Variants in EPS15 observed in about 807,000 individuals in gnomAD.
EPS15 encodes epidermal growth factor receptor substrate 15.
EPS15 carries 72 observed loss-of-function variants against 113.8 expected under a neutral mutation model. That is an observed-to-expected ratio of 0.63 (90% CI 0.52 to 0.77). The LOEUF is 0.77. EPS15 is among the 30% of genes least tolerant of loss of function. EPS15 has a pLI of 0.00. For synonymous variants in EPS15, 344 were observed against 363.4 expected (o/e 0.95, Z 0.61); for missense variants, 1,048 against 1,045.8 (o/e 1.00, Z -0.03).
At chr1:51,489,901 T>A (rs1644200254) in intron 1 of EPS15, among the ~76,000 whole-genome samples, 1 of 152,222 alleles carries the variant, frequency 6.6e-6, no homozygotes, top group Admixed American at 6.5e-5. Flanking sequence ...TGAGAAAGAA[T>A]CACAGAGCAG....
At chr1:51,362,237 A>T (rs1646403500) in intron 23 of EPS15, among the ~76,000 whole-genome samples, 1 of 152,240 alleles carries the variant, frequency 6.6e-6, no homozygotes, top group Admixed American at 6.5e-5. Flanking sequence ...TAATCCTGTG[A>T]AAGTAGGCAA....
At chr1:51,390,520 G>A (rs1305793698) in intron 21 of EPS15, among the ~76,000 whole-genome samples, 8 of 151,632 alleles carry the variant, frequency 5.3e-5, no homozygotes, top group Non-Finnish European at 1.0e-4. Context: ...CCATCAGAGT[G>A]AACAGGCAAC....
At chr1:51,473,219 G>A (rs1405229304) in intron 2 of EPS15, among the ~76,000 whole-genome samples, 5 of 152,154 alleles carry the variant, frequency 3.3e-5, no homozygotes, top group African/African-American at 7.2e-5. Flanking sequence ...AAGCAAATTC[G>A]TGGGGTTGTA....
intron 21 of EPS15, among the ~76,000 whole-genome samples, chr1:51,388,930 T>C (rs999979699): frequency 5.3e-5 from 8 of 152,164 alleles, no homozygotes; most frequent in Admixed American, 5.2e-4. Flanking sequence ...ACTATTCCAA[T>C]CAACAGAAAA....
intron 1 of EPS15, among the ~76,000 whole-genome samples, chr1:51,482,649 A>G (rs941362371): frequency 6.6e-6 from 1 of 152,088 alleles, no homozygotes; most frequent in Non-Finnish European, 1.5e-5. Flanking sequence ...TATTTTTAGT[A>G]GAGATGGGGT....
intron 21 of EPS15, among the ~76,000 whole-genome samples, chr1:51,384,419 G>A (rs1647015243): frequency 6.7e-6 from 1 of 148,706 alleles, no homozygotes; most frequent in African/African-American, 2.5e-5. Flanking sequence ...TCCCACCTCA[G>A]CTTCCCAAGT....
At chr1:51,359,725 T>C (rs977861302) in intron 24 of EPS15, among the ~76,000 whole-genome samples, 4 of 150,138 alleles carry the variant, frequency 2.7e-5, no homozygotes, top group African/African-American at 4.9e-5. Flanking sequence ...GCCTCCAGCC[T>C]GGGCAATAAG....
intron 16 of EPS15, 69 bp from the exon 17 acceptor site, chr1:51,403,601 T>C: frequency 2.6e-6 from 2 of 777,726 alleles, no homozygotes; most frequent in South Asian, 2.1e-5. Context: ...TGACTAAAGA[T>C]AACCAAAAAC....
chr1:51,409,883 G>T (rs1649535997), intron 13 of EPS15, among the ~76,000 whole-genome samples, 187 bp from the exon 14 acceptor site: 2 of 151,902 alleles, frequency 1.3e-5, no homozygotes, highest in South Asian at 4.2e-4. Flanking sequence ...TCCATATTTA[G>T]ATATTCAATT....
At chr1:51,435,917 A>G (rs576929616) in intron 12 of EPS15, among the ~76,000 whole-genome samples, 11 of 152,222 alleles carry the variant, frequency 7.2e-5, no homozygotes, top group Non-Finnish European at 1.3e-4. Context: ...ACAAAACTTT[A>G]TAAGGTAAAA....
At chr1:51,430,991 C>T (rs929119105) in intron 12 of EPS15, among the ~76,000 whole-genome samples, 42 of 143,250 alleles carry the variant, frequency 2.9e-4, no homozygotes, top group Admixed American at 2.1e-4. Flanking sequence ...CACACACACA[C>T]ACACACACAC....
At position 51,515,423 on chromosome 1, in the gene EPS15, G is replaced by C. The variant is rs117195352; in HGVS notation, c.33+3776C>G. Among the ~76,000 whole-genome samples, 26 of 151,134 alleles carry C rather than the reference G, an allele frequency of 1.7e-4. No homozygotes were observed. In the East Asian group the frequency reaches 5.1e-3, roughly 29 times the overall value. Reference sequence around the variant, plus strand: ...ACAAGGTTGAGGATGCAGTGAGCCTGATCATGCCACTGTACTCCAACATGG... The same window carrying C: ...ACAAGGTTGAGGATGCAGTGAGCCTCATCATGCCACTGTACTCCAACATGG... On this transcript the variant is annotated intron_variant, in intron 1 of 24. Coordinates refer to ENST00000371733, the MANE Select transcript of EPS15 (RefSeq NM_001981.3).
rs111661694 is a variant in EPS15 at position 51,366,063 on chromosome 1, C to T, written c.2120-34G>A. The T allele has an allele frequency of 1.5e-3, 2,288 of 1,489,312 alleles. 30 individuals carry two copies. In the African/African-American group the frequency reaches 0.028, roughly 19 times the overall value. The allele number at this position is 1,489,312 out of a possible 1,614,324, so 92.3% of individuals were successfully genotyped here. On this transcript the variant is annotated intron_variant, in intron 21 of 24. Transcript: ENST00000371733. Reference sequence around the variant, plus strand: ...AATAAAGAAAATAAATGAAACAGGACAGTAAGACATTTTTTTTTTTTGAGA... The same window carrying T: ...AATAAAGAAAATAAATGAAACAGGATAGTAAGACATTTTTTTTTTTTGAGA...
chr1:51,420,428 TA>T (rs1650646595), intron 13 of EPS15, among the ~76,000 whole-genome samples: 1 of 152,168 alleles, frequency 6.6e-6, no homozygotes, highest in Non-Finnish European at 1.5e-5. Flanking sequence ...TTTAAAGCAG[TA>T]ACTGGCTAAA....
At chr1:51,375,519 A>C (rs1044744014) in intron 21 of EPS15, among the ~76,000 whole-genome samples, 6 of 152,174 alleles carry the variant, frequency 3.9e-5, no homozygotes, top group African/African-American at 1.4e-4. Context: ...AGGTGGGTAA[A>C]TGTCTTGTGT....
intron 21 of EPS15, among the ~76,000 whole-genome samples, chr1:51,369,226 A>C (rs932281611): frequency 6.6e-6 from 1 of 152,228 alleles, no homozygotes; most frequent in Non-Finnish European, 1.5e-5. Flanking sequence ...ATTTAGCACT[A>C]GTCTAAACAC....
At chr1:51,461,260 G>T in intron 7 of EPS15, 110 bp from the exon 8 acceptor site, 1 of 747,516 alleles carries the variant, frequency 1.3e-6, no homozygotes, top group Non-Finnish European at 2.3e-6. Flanking sequence ...TGCCCATATG[G>T]CCTCCCAGCA....
At chr1:51,427,447 TG>T (rs141065193) in intron 12 of EPS15, among the ~76,000 whole-genome samples, 4,869 of 152,230 alleles carry the variant, frequency 0.032, 127 homozygotes, top group Non-Finnish European at 0.05. Context: ...AACACACACC[TG>T]GTGTGAGGGG....
intron 12 of EPS15, among the ~76,000 whole-genome samples, chr1:51,423,013 T>C (rs1042892490): frequency 4.6e-5 from 7 of 152,324 alleles, no homozygotes; most frequent in African/African-American, 1.7e-4. Context: ...CCAAAGCAGA[T>C]ACTTAAGGGA....
Sources: gnomAD v4.1 joint callset for allele counts (sites outside exome capture counted in the v4.1 genomes callset) on GRCh38, gnomAD v4.1.1 for gene constraint, MANE v1.5 for transcripts, NCBI Gene and HGNC (gene_info 2026-07-23, HGNC 2026-07-21) for gene names.